The following FCHSD2 variants were observed in gnomAD, a reference collection of about 807,000 sequenced individuals.
FCHSD2 encodes FCH and double SH3 domains 2, also known as F-BAR and double SH3 domains protein 2.
In FCHSD2, 38 loss-of-function variants were observed where a neutral mutation model predicts 108.1. The ratio of observed to expected loss-of-function variants is 0.35; its 90% CI spans 0.27 to 0.46. FCHSD2 has a LOEUF of 0.46. FCHSD2 is among the 20% of genes least tolerant of loss of function. The probability of loss-of-function intolerance (pLI) is 1.00; values close to 1 mark genes in which losing one functional copy is unlikely to be tolerated. For missense variants in FCHSD2, 751 were observed against 897.8 expected (o/e 0.84, Z 2.09); for synonymous variants, 279 against 314.7 (o/e 0.89, Z 1.20).
intron 8 of FCHSD2, among the ~76,000 whole-genome samples, chr11:72,959,853 GGTGTGTGT>G (rs58451717): frequency 2.7e-5 from 4 of 145,810 alleles, no homozygotes; most frequent in East Asian, 2.0e-4. Context: ...AAGTTTCTAG[GGTGTGTGT>G]GTGTGTGTGT....
chr11:72,971,199 G>T (rs1444759758), intron 8 of FCHSD2, among the ~76,000 whole-genome samples: 1 of 152,032 alleles, frequency 6.6e-6, no homozygotes, highest in African/African-American at 2.4e-5. Flanking sequence ...TCAATCATAT[G>T]TTTATATATT....
At chr11:73,100,826 T>C (rs1438107748) in intron 2 of FCHSD2, among the ~76,000 whole-genome samples, 1 of 152,038 alleles carries the variant, frequency 6.6e-6, no homozygotes, top group Non-Finnish European at 1.5e-5. Flanking sequence ...CTTTCCCAAA[T>C]ACTGGGCATT....
Position 73,085,329 on chromosome 11 carries a change from C to T in FCHSD2, c.120-1589G>A, listed in dbSNP as rs566468563. ...TTAGTAAACACCAGGAATCTGACTC[C>T]CAGGCTAGGTAACAATTGCACTGGC... is the stretch of plus-strand genomic sequence containing the variant. On this transcript the variant is annotated intron_variant, in intron 2 of 19. Transcript: ENST00000409418. 1.3e-4 allele frequency among the ~76,000 whole-genome samples: 20 copies of T among 152,182 alleles called. No homozygotes were observed. The South Asian group carries it at 3.5e-3, about 27-fold the overall frequency.
chr11:72,891,341 G>A (rs912902467), intron 10 of FCHSD2, among the ~76,000 whole-genome samples: 1 of 152,180 alleles, frequency 6.6e-6, no homozygotes, highest in African/African-American at 2.4e-5. Context: ...TGATGAGGCA[G>A]GGTTTAAAAA....
At chr11:73,093,067 T>C in intron 2 of FCHSD2, among the ~76,000 whole-genome samples, 1 of 152,112 alleles carries the variant, frequency 6.6e-6, no homozygotes, top group Non-Finnish European at 1.5e-5. Flanking sequence ...TGAGTAGTAA[T>C]CATGTCTAAG....
At chr11:72,880,021 A>G (rs1394380288) in intron 12 of FCHSD2, among the ~76,000 whole-genome samples, 1 of 136,678 alleles carries the variant, frequency 7.3e-6, no homozygotes, top group African/African-American at 2.7e-5. Flanking sequence ...AAAAAAAAAA[A>G]GTAATCCTAT....
At chr11:73,135,407 T>A (rs144749100) in intron 2 of FCHSD2, among the ~76,000 whole-genome samples, 1 of 152,186 alleles carries the variant, frequency 6.6e-6, no homozygotes, top group African/African-American at 2.4e-5. Flanking sequence ...TTTTTCCATA[T>A]TATAGACCTC....
intron 3 of FCHSD2, 123 bp downstream of exon 3, chr11:73,083,572 A>C (rs1859747894): frequency 3.2e-6 from 2 of 617,248 alleles, no homozygotes; most frequent in Non-Finnish European, 5.7e-6. Context: ...AAAAAAAAAC[A>C]AGAAAGAAAT....
intron 3 of FCHSD2, among the ~76,000 whole-genome samples, chr11:73,040,500 T>A (rs904396638): frequency 6.6e-6 from 1 of 152,210 alleles, no homozygotes; most frequent in Non-Finnish European, 1.5e-5. Flanking sequence ...GTTGAGCAGA[T>A]CTACCTCTTA....
At chr11:72,908,978 T>A (rs1428841355) in intron 9 of FCHSD2, among the ~76,000 whole-genome samples, 1 of 152,106 alleles carries the variant, frequency 6.6e-6, no homozygotes, top group Non-Finnish European at 1.5e-5. Context: ...TATGTCCTTT[T>A]TTGAGAAATG....
intron 8 of FCHSD2, among the ~76,000 whole-genome samples, chr11:72,979,249 A>G (rs560374168): frequency 6.6e-6 from 1 of 152,206 alleles, no homozygotes; most frequent in Non-Finnish European, 1.5e-5. Context: ...GAACTCTCAT[A>G]CATTAAAACT....
At chr11:73,140,229 C>G in intron 1 of FCHSD2, 101 bp from the exon 2 acceptor site, 2 of 602,922 alleles carry the variant, frequency 3.3e-6, no homozygotes, top group Non-Finnish European at 5.8e-6. Flanking sequence ...TTGCTCGCCT[C>G]TCCCCTGAAG....
intron 9 of FCHSD2, among the ~76,000 whole-genome samples, chr11:72,909,167 T>C (rs1382153406): frequency 1.3e-5 from 2 of 151,936 alleles, no homozygotes; most frequent in African/African-American, 2.4e-5. Context: ...CTGCTGAGTG[T>C]CTGGGATTGC....
chr11:73,001,269 A>G, intron 4 of FCHSD2, 135 bp from the exon 5 acceptor site: 3 of 720,898 alleles, frequency 4.2e-6, no homozygotes, highest in Non-Finnish European at 4.7e-6. Flanking sequence ...CTTATAGGCA[A>G]TATGTCAGCA....
intron 14 of FCHSD2, 80 bp from the exon 15 acceptor site, chr11:72,843,612 G>T (rs755027086): frequency 3.5e-6 from 3 of 861,976 alleles, no homozygotes; most frequent in Admixed American, 2.1e-5. Flanking sequence ...CAAAAACTGG[G>T]GATCAAAATA....
chr11:73,139,986 G>A (rs1861209730), intron 2 of FCHSD2, 45 bp downstream of exon 2: 2 of 1,114,866 alleles, frequency 1.8e-6, no homozygotes, highest in Non-Finnish European at 2.5e-6. Context: ...AAGGTTCTTT[G>A]AAACAGACAA....
At chr11:73,140,153 A>C in intron 1 of FCHSD2, 25 bp from the exon 2 acceptor site, 2 of 1,383,990 alleles carry the variant, frequency 1.4e-6, no homozygotes, top group Non-Finnish European at 2.0e-6. Context: ...ATATTTATGA[A>C]GGTCTTTTTA....
intron 9 of FCHSD2, among the ~76,000 whole-genome samples, chr11:72,906,934 A>G (rs557323089): frequency 6.6e-6 from 1 of 152,314 alleles, no homozygotes; most frequent in East Asian, 1.9e-4. Context: ...TATGAACTTT[A>G]AAGTAGTTTT....
intron 11 of FCHSD2, among the ~76,000 whole-genome samples, chr11:72,888,428 C>T (rs1017464393): frequency 6.6e-6 from 1 of 151,886 alleles, no homozygotes; most frequent in Non-Finnish European, 1.5e-5. Context: ...ATGTAATGGG[C>T]TAAAAAGTAA....
Sources: allele counts gnomAD v4.1 joint callset (sites outside exome capture counted in the v4.1 genomes callset), GRCh38; gene constraint gnomAD v4.1.1; transcripts MANE v1.5; gene names NCBI Gene and HGNC (gene_info 2026-07-23, HGNC 2026-07-21).